Variants in PLA2G4C observed in about 807,000 individuals in gnomAD.
PLA2G4C encodes phospholipase A2 group IVC.
PLA2G4C carries 64 observed loss-of-function variants against 73.8 expected under a neutral mutation model. The ratio of observed to expected loss-of-function variants is 0.87; its 90% CI spans 0.71 to 1.07. PLA2G4C has a LOEUF of 1.07. Among genes scored for constraint, PLA2G4C ranks in the 50% least tolerant of loss-of-function variants. The pLI, the probability that PLA2G4C is intolerant of heterozygous loss-of-function variation, is 0.00. For missense variants in PLA2G4C, 622 were observed against 665.4 expected (o/e 0.93, Z 0.72); for synonymous variants, 254 against 252.1 (o/e 1.01, Z -0.07).
chr19:48,065,987 G>GGAGGCT (rs1271725707), intron 13 of PLA2G4C, among the ~76,000 whole-genome samples: 4 of 152,102 alleles, frequency 2.6e-5, no homozygotes, highest in Admixed American at 1.3e-4. Context: ...CAGCTACTCG[G>GGAGGCT]GAGGCAGGAG....
Position 48,099,677 on chromosome 19 carries a change from G to T in PLA2G4C, c.441C>A (p.Thr147=). ...FWAYMVISKQ[T]RELPESHLSN... ...CCAGCTGGGAATGACTTACTTCTCTGGTTTGCTTAGAGATAACCATGTAGG... is the reference window on the plus strand; with the variant it reads ...CCAGCTGGGAATGACTTACTTCTCTTGTTTGCTTAGAGATAACCATGTAGG... Residue 147 remains threonine (T), a synonymous_variant, in exon 5 of 17, where the codon ACC becomes ACA. Transcript: ENST00000599921. 2 of 1,612,496 alleles carry T rather than the reference G, an allele frequency of 1.2e-6. No individual in the cohort carries two copies. Among genetic ancestry groups the T allele is most frequent in the South Asian group, 1.1e-5 (1 of 90,878 alleles).
intron 6 of PLA2G4C, among the ~76,000 whole-genome samples, chr19:48,096,138 A>G (rs1864105): frequency 0.71 from 107,243 of 151,804 alleles, 39,567 homozygotes; most frequent in East Asian, 0.92. Context: ...TGGTCTGGGG[A>G]TGATGTAGAA....
chr19:48,050,489 G>T (rs1967682604), intron 16 of PLA2G4C, among the ~76,000 whole-genome samples: 1 of 152,014 alleles, frequency 6.6e-6, no homozygotes, highest in African/African-American at 2.4e-5. Context: ...CCTTTGAAAA[G>T]GTGACTCAGA....
chr19:48,110,279 G>T (rs1447378326), intron 1 of PLA2G4C, among the ~76,000 whole-genome samples: 1 of 151,760 alleles, frequency 6.6e-6, no homozygotes, highest in Non-Finnish European at 1.5e-5. Context: ...CCCGGAGGCG[G>T]AGCTTGCCGT....
At chr19:48,068,098 T>C (rs1398671503) in intron 12 of PLA2G4C, among the ~76,000 whole-genome samples, 1 of 152,032 alleles carries the variant, frequency 6.6e-6, no homozygotes, top group East Asian at 1.9e-4. Flanking sequence ...TATCAAGAGA[T>C]CGAGACCATC....
rs1568457374 is a variant in PLA2G4C at position 48,105,916 on chromosome 19, TCCCTCCC to T, written c.9-479_9-473del. Among the ~76,000 whole-genome samples, 17 of 12,296 alleles carry T rather than the reference TCCCTCCC, an allele frequency of 1.4e-3. 3 individuals carry two copies. The highest frequency in any genetic ancestry group is 2.0e-3 in the Non-Finnish European group (15 of 7,488). 8.1% of individuals were successfully genotyped at this position (12,296 alleles called of 152,430 possible). ...CTCCCTCCCTCCCTCCCTCCCTCCC[TCCCTCCC>T]TCCCTCCCTCCCTCCCTCCCTCCCT... is the stretch of plus-strand genomic sequence containing the variant. On this transcript the variant is annotated intron_variant, in intron 2 of 16. Transcript: ENST00000599921.
intron 6 of PLA2G4C, among the ~76,000 whole-genome samples, chr19:48,096,314 G>A (rs573001359): frequency 6.6e-6 from 1 of 152,280 alleles, no homozygotes; most frequent in Admixed American, 6.5e-5. Context: ...CGGGCGTGGT[G>A]GCTCACGTCT....
chr19:48,098,815 T>C (rs148906536), intron 5 of PLA2G4C, among the ~76,000 whole-genome samples: 1,825 of 146,804 alleles, frequency 0.012, 51 homozygotes, highest in African/African-American at 0.042. Context: ...GCTGAGAGGA[T>C]TGCTTGAGCC....
intron 6 of PLA2G4C, 107 bp from the exon 7 acceptor site, chr19:48,095,711 G>T: frequency 8.8e-7 from 1 of 1,138,462 alleles, no homozygotes. Flanking sequence ...CATGACAGGA[G>T]AATGTTAGAG....
chr19:48,059,540 A>G (rs1343687847), intron 14 of PLA2G4C, among the ~76,000 whole-genome samples: 3 of 152,108 alleles, frequency 2.0e-5, no homozygotes, highest in East Asian at 1.9e-4. Context: ...ACACCCTCCA[A>G]TTGGCTGCCA....
At chr19:48,081,273 AAAT>A (rs1357489318) in intron 10 of PLA2G4C, among the ~76,000 whole-genome samples, 1 of 152,200 alleles carries the variant, frequency 6.6e-6, no homozygotes, top group African/African-American at 2.4e-5. Flanking sequence ...AAAAAGAATA[AAAT>A]AATGTCTTTT....
intron 8 of PLA2G4C, 140 bp from the exon 9 acceptor site, chr19:48,088,852 T>C (rs441644): frequency 0.048 from 33,726 of 698,960 alleles, 2,260 homozygotes; most frequent in African/African-American, 0.25. Context: ...CCAATGGCTC[T>C]CGAGAGCCAA....
Position 48,055,047 on chromosome 19 carries a change from G to A in PLA2G4C, c.1260C>T (p.Thr420=). The change falls in exon 15 of 17, where the codon ACC becomes ACT. Residue 420 remains threonine (T), a splice_region_variant and synonymous_variant. Coordinates refer to ENST00000599921, the MANE Select transcript of PLA2G4C (RefSeq NM_003706.3). ...FDFSAGDPFE[T]IRATTDYCRR... Reference sequence around the variant, plus strand: ...GGCAGTAGTCAGTGGTAGCCCGGATGGTCTGAGAAGGAGGCAATAAGAAAT... The same window carrying A: ...GGCAGTAGTCAGTGGTAGCCCGGATAGTCTGAGAAGGAGGCAATAAGAAAT... The A allele has an allele frequency of 6.3e-7, 1 of 1,599,826 alleles. No individual in the cohort carries two copies. Among genetic ancestry groups the A allele is most frequent in the Non-Finnish European group, 8.5e-7 (1 of 1,173,814 alleles).
chr19:48,060,835 A>G, intron 14 of PLA2G4C, among the ~76,000 whole-genome samples: 1 of 152,170 alleles, frequency 6.6e-6, no homozygotes, highest in East Asian at 1.9e-4. Flanking sequence ...TTCCTAATTC[A>G]TATTACAGAA....
At chr19:48,059,991 G>A (rs982840020) in intron 14 of PLA2G4C, among the ~76,000 whole-genome samples, 2 of 151,674 alleles carry the variant, frequency 1.3e-5, no homozygotes, top group African/African-American at 4.9e-5. Flanking sequence ...GGCTGGTCTC[G>A]AACTCCTGAT....
intron 14 of PLA2G4C, among the ~76,000 whole-genome samples, chr19:48,055,842 C>A (rs1967921511): frequency 6.6e-6 from 1 of 151,790 alleles, no homozygotes; most frequent in Non-Finnish European, 1.5e-5. Flanking sequence ...CCATGTTGGT[C>A]AGGTTGGTGA....
intron 16 of PLA2G4C, among the ~76,000 whole-genome samples, chr19:48,049,616 A>G (rs1221905594): frequency 6.6e-6 from 1 of 152,208 alleles, no homozygotes; most frequent in Non-Finnish European, 1.5e-5. Flanking sequence ...TGTTTGTGGA[A>G]TCAATGAATG....
At chr19:48,087,673 G>A (rs940759663) in intron 9 of PLA2G4C, among the ~76,000 whole-genome samples, 15 of 152,066 alleles carry the variant, frequency 9.9e-5, no homozygotes, top group African/African-American at 3.1e-4. Context: ...GGTGGCTCAC[G>A]GCTGTAATCC....
intron 5 of PLA2G4C, among the ~76,000 whole-genome samples, chr19:48,098,684 C>T (rs184549672): frequency 2.6e-5 from 3 of 115,708 alleles, no homozygotes; most frequent in East Asian, 5.1e-4. Flanking sequence ...TTGGAGACCA[C>T]CCCGAGCAAA....
Sources: gnomAD v4.1 joint callset for allele counts (sites outside exome capture counted in the v4.1 genomes callset) on GRCh38, gnomAD v4.1.1 for gene constraint, MANE v1.5 for transcripts, NCBI Gene and HGNC (gene_info 2026-07-23, HGNC 2026-07-21) for gene names.